PPM1H: variants seen among roughly 807,000 people sequenced by gnomAD.
PPM1H encodes protein phosphatase, Mg2+/Mn2+ dependent 1H, also known as protein phosphatase 1H.
PPM1H carries 27 observed loss-of-function variants against 54.9 expected under a neutral mutation model. That is an observed-to-expected ratio of 0.49 (90% CI 0.36 to 0.68). PPM1H has a LOEUF of 0.68. PPM1H is among the 30% of genes least tolerant of loss of function. The pLI, the probability that PPM1H is intolerant of heterozygous loss-of-function variation, is 0.00. For synonymous variants in PPM1H, 305 were observed against 270.8 expected (o/e 1.13, Z -1.24); for missense variants, 596 against 667.8 (o/e 0.89, Z 1.19).
At position 62,658,182 on chromosome 12, in the gene PPM1H, ATTTTTTTTTTTTTTTTTT is replaced by A. The variant is rs1173229360; in HGVS notation, c.1397+8978_1397+8995del. On this transcript the variant is annotated intron_variant, in intron 9 of 9. Transcript: ENST00000228705. Reference sequence around the variant, plus strand: ...GAGACCAGCCTGGGTAACACGGTGAATTTTTTTTTTTTTTTTTTTTTTTTTTTTTTAAGTAAAAAAGAA... The same window carrying A: ...GAGACCAGCCTGGGTAACACGGTGAATTTTTTTTTTTTAAGTAAAAAAGAA... 4.6e-5 allele frequency among the ~76,000 whole-genome samples: 4 copies of A among 87,534 alleles called. No individual in the cohort carries two copies. The South Asian group carries it at 2.0e-3, about 44-fold the overall frequency. 57.4% of individuals were successfully genotyped at this position (87,534 alleles called of 152,430 possible).
chr12:62,712,030 T>A (rs1354098147), intron 6 of PPM1H, among the ~76,000 whole-genome samples: 2 of 152,226 alleles, frequency 1.3e-5, no homozygotes, highest in Non-Finnish European at 2.9e-5. Flanking sequence ...CAGCTAGAGC[T>A]GCAAATCTTG....
At chr12:62,801,243 T>A (rs552912239) in intron 3 of PPM1H, among the ~76,000 whole-genome samples, 1 of 152,242 alleles carries the variant, frequency 6.6e-6, no homozygotes, top group South Asian at 2.1e-4. Context: ...TCAATATGAA[T>A]ATAGGAAATA....
At chr12:62,730,187 T>G (rs530503295) in intron 5 of PPM1H, among the ~76,000 whole-genome samples, 2 of 152,170 alleles carry the variant, frequency 1.3e-5, no homozygotes, top group African/African-American at 4.8e-5. Context: ...CCCACCTGCA[T>G]CCAGGTGAAA....
chr12:62,747,971 A>G (rs2076422069), intron 4 of PPM1H, among the ~76,000 whole-genome samples: 3 of 152,224 alleles, frequency 2.0e-5, no homozygotes, highest in Admixed American at 6.5e-5. Context: ...TAAAGGTAGC[A>G]TCTCTCTGTA....
At chr12:62,810,339 G>A (rs914376904) in intron 2 of PPM1H, among the ~76,000 whole-genome samples, 6 of 152,082 alleles carry the variant, frequency 3.9e-5, no homozygotes, top group Admixed American at 3.9e-4. Context: ...AGCAAATAAG[G>A]AGTCTGCATC....
chr12:62,859,632 A>T (rs1451971642), intron 1 of PPM1H, among the ~76,000 whole-genome samples: 1 of 152,206 alleles, frequency 6.6e-6, no homozygotes, highest in African/African-American at 2.4e-5. Context: ...CTTATGGAAC[A>T]ATCACATATG....
chr12:62,806,314 G>A (rs1189433787), intron 2 of PPM1H, among the ~76,000 whole-genome samples: 1 of 152,126 alleles, frequency 6.6e-6, no homozygotes, highest in Non-Finnish European at 1.5e-5. Context: ...TAGGTGCTAA[G>A]AAATAAAATA....
intron 1 of PPM1H, among the ~76,000 whole-genome samples, chr12:62,856,389 C>T (rs1869389459): frequency 6.6e-6 from 1 of 152,202 alleles, no homozygotes; most frequent in African/African-American, 2.4e-5. Context: ...TCCTTCCCAT[C>T]TTTCAGAGAT....
chr12:62,756,113 T>A (rs945844979), intron 4 of PPM1H: 2 of 896,988 alleles, frequency 2.2e-6, no homozygotes, highest in Admixed American at 1.7e-5. Context: ...CAACCTTTGA[T>A]GCTGGGGATG....
At chr12:62,801,557 C>T (rs955738221) in intron 3 of PPM1H, among the ~76,000 whole-genome samples, 9 of 152,186 alleles carry the variant, frequency 5.9e-5, no homozygotes, top group African/African-American at 2.2e-4. Flanking sequence ...CCTCCTGCCT[C>T]GGCCTCCCAA....
At chr12:62,705,212 C>T (rs2076166400) in intron 6 of PPM1H, among the ~76,000 whole-genome samples, 1 of 152,216 alleles carries the variant, frequency 6.6e-6, no homozygotes, top group Non-Finnish European at 1.5e-5. Flanking sequence ...GTTTAAAATG[C>T]TGCTCTCCAT....
chr12:62,756,334 T>G (rs2076474574), intron 4 of PPM1H: 22 of 489,426 alleles, frequency 4.5e-5, no homozygotes, highest in South Asian at 4.1e-4. Context: ...ACACTGAGAA[T>G]CTCCCTTTCT....
intron 1 of PPM1H, among the ~76,000 whole-genome samples, chr12:62,869,411 C>T (rs1297419772): frequency 6.6e-6 from 1 of 152,104 alleles, no homozygotes; most frequent in Non-Finnish European, 1.5e-5. Context: ...ATTAATGGTA[C>T]CATTTTATAG....
At chr12:62,710,921 G>A (rs754642867) in intron 6 of PPM1H, among the ~76,000 whole-genome samples, 16 of 152,082 alleles carry the variant, frequency 1.1e-4, no homozygotes, top group Middle Eastern at 3.2e-3. Flanking sequence ...AACTCATCAC[G>A]CGCTATTATA....
At chr12:62,680,988 C>G (rs548592350) in intron 8 of PPM1H, among the ~76,000 whole-genome samples, 142 of 152,202 alleles carry the variant, frequency 9.3e-4, no homozygotes, top group African/African-American at 3.3e-3. Context: ...CAGGTAAATA[C>G]TAGGAAGACC....
intron 9 of PPM1H, among the ~76,000 whole-genome samples, chr12:62,650,319 G>C (rs1265476253): frequency 1.3e-5 from 2 of 152,086 alleles, no homozygotes; most frequent in African/African-American, 4.8e-5. Flanking sequence ...CTAGAGGATG[G>C]GGTAGTAGGT....
At chr12:62,709,203 G>T (rs1000325356) in intron 6 of PPM1H, among the ~76,000 whole-genome samples, 2 of 152,080 alleles carry the variant, frequency 1.3e-5, no homozygotes, top group African/African-American at 4.8e-5. Context: ...GCACACGAAG[G>T]GCTAAAACAT....
intron 1 of PPM1H, among the ~76,000 whole-genome samples, chr12:62,900,783 G>GACATA (rs1337404903): frequency 6.6e-6 from 1 of 152,138 alleles, no homozygotes; most frequent in East Asian, 1.9e-4. Context: ...TGTCACAGGG[G>GACATA]ACATAGTACA....
chr12:62,896,725 T>C (rs1871001786), intron 1 of PPM1H, among the ~76,000 whole-genome samples: 4 of 152,172 alleles, frequency 2.6e-5, no homozygotes, highest in Admixed American at 2.6e-4. Flanking sequence ...AGAAATACCA[T>C]TTGACCCAGC....
Sources: allele counts gnomAD v4.1 joint callset (sites outside exome capture counted in the v4.1 genomes callset), GRCh38; gene constraint gnomAD v4.1.1; transcripts MANE v1.5; gene names NCBI Gene and HGNC (gene_info 2026-07-23, HGNC 2026-07-21).